MTA3: variants seen among roughly 807,000 people sequenced by gnomAD.
MTA3 encodes metastasis associated 1 family member 3.
MTA3 carries 34 observed loss-of-function variants against 83.5 expected under a neutral mutation model. That is an observed-to-expected ratio of 0.41 (90% CI 0.31 to 0.54). The LOEUF (loss-of-function observed/expected upper bound fraction) is 0.54. MTA3 is among the 20% of genes least tolerant of loss of function. MTA3 has a pLI of 0.33. For synonymous variants in MTA3, 303 were observed against 252.7 expected (o/e 1.20, Z -1.89); for missense variants, 761 against 726.4 (o/e 1.05, Z -0.55).
intron 4 of MTA3, among the ~76,000 whole-genome samples, chr2:42,639,387 A>T (rs13353356): frequency 3.7e-4 from 56 of 152,316 alleles, no homozygotes; most frequent in African/African-American, 1.3e-3. Flanking sequence ...ATAATCTTCA[A>T]AATGCTCCTG....
intron 2 of MTA3, among the ~76,000 whole-genome samples, chr2:42,495,899 G>A (rs1331146346): frequency 6.6e-6 from 1 of 152,314 alleles, no homozygotes; most frequent in South Asian, 2.1e-4. Flanking sequence ...CAAGAACTTT[G>A]CAGGTCTTGA....
chr2:42,732,100 G>A (rs1321185128), intron 16 of MTA3, among the ~76,000 whole-genome samples: 3 of 152,146 alleles, frequency 2.0e-5, no homozygotes, highest in African/African-American at 4.8e-5. Flanking sequence ...TGTGGAGGAC[G>A]GTGGCCCTCT....
At chr2:42,575,163 C>G (rs1424277395) in intron 2 of MTA3, among the ~76,000 whole-genome samples, 2 of 152,202 alleles carry the variant, frequency 1.3e-5, no homozygotes, top group Non-Finnish European at 2.9e-5. Flanking sequence ...GCACAATGGG[C>G]TTTTGGCTGT....
In MTA3 at chr2:42,659,828, T is replaced by G; in HGVS notation, c.668T>G (p.Met223Arg). The stretch of plus-strand genomic sequence containing the variant: ...TCTGTGAGGCAGCCTAGTTTGCATA[T>G]GAGTGCTGCTGCAGCTTCCCGAGAC... ...SSSVRQPSLH[M>R]SAAAASRDIT... The change falls in exon 8 of 17, where the codon ATG becomes AGG. Residue 223 changes from methionine (M) to arginine (R), a missense_variant. Transcript: ENST00000405094. 3.1e-6 allele frequency: 5 copies of G among 1,607,368 alleles called. No individual in the cohort carries two copies. Among genetic ancestry groups the G allele is most frequent in the Non-Finnish European group, 4.2e-6 (5 of 1,176,940 alleles).
intron 8 of MTA3, among the ~76,000 whole-genome samples, chr2:42,670,587 G>T (rs1015674751): frequency 1.3e-5 from 2 of 152,070 alleles, no homozygotes; most frequent in Non-Finnish European, 2.9e-5. Flanking sequence ...CCTTAAAATA[G>T]AGAGGACTTC....
At chr2:42,594,204 G>T (rs955088124) in intron 3 of MTA3, among the ~76,000 whole-genome samples, 1 of 148,826 alleles carries the variant, frequency 6.7e-6, no homozygotes, top group African/African-American at 2.5e-5. Flanking sequence ...CACCTGCCTT[G>T]GCCTCCCAAA....
chr2:42,681,846 A>T (rs531972181), intron 8 of MTA3, among the ~76,000 whole-genome samples: 6 of 151,838 alleles, frequency 4.0e-5, no homozygotes, highest in Admixed American at 3.3e-4. Flanking sequence ...AGCTATGACC[A>T]TGCCACAGCA....
chr2:42,626,690 G>T (rs915214364), intron 4 of MTA3, among the ~76,000 whole-genome samples: 8 of 152,106 alleles, frequency 5.3e-5, no homozygotes, highest in Non-Finnish European at 1.0e-4. Context: ...AATTCTTCAG[G>T]ACTATCCTGG....
intron 3 of MTA3, among the ~76,000 whole-genome samples, chr2:42,582,817 A>G (rs1331709931): frequency 6.6e-6 from 1 of 152,146 alleles, no homozygotes; most frequent in African/African-American, 2.4e-5. Context: ...ACTCGTAGAA[A>G]ATAAATTTTA....
intron 4 of MTA3, among the ~76,000 whole-genome samples, chr2:42,635,980 G>C (rs1687154425): frequency 6.6e-6 from 1 of 152,058 alleles, no homozygotes; most frequent in African/African-American, 2.4e-5. Flanking sequence ...TGCCCAGGCT[G>C]GTCTTGAACT....
At chr2:42,618,123 G>C (rs1019501999) in intron 4 of MTA3, among the ~76,000 whole-genome samples, 2 of 151,836 alleles carry the variant, frequency 1.3e-5, no homozygotes, top group Non-Finnish European at 2.9e-5. Flanking sequence ...GTAAAAAAAA[G>C]TTTTGTTGGA....
At chr2:42,618,668 C>T (rs1023012426) in intron 4 of MTA3, among the ~76,000 whole-genome samples, 3 of 152,024 alleles carry the variant, frequency 2.0e-5, no homozygotes, top group Admixed American at 6.6e-5. Context: ...AGTGCAGTGG[C>T]GTGAACATAG....
chr2:42,548,030 G>A (rs1456581333), intron 2 of MTA3, among the ~76,000 whole-genome samples: 2 of 152,184 alleles, frequency 1.3e-5, no homozygotes, highest in Non-Finnish European at 2.9e-5. Context: ...AAGATAAGCT[G>A]CCCTGTGGTC....
chr2:42,571,248 A>G (rs1032951309), intron 2 of MTA3, among the ~76,000 whole-genome samples: 1 of 151,492 alleles, frequency 6.6e-6, no homozygotes, highest in East Asian at 2.0e-4. Context: ...AGTACAAAAA[A>G]ATTAGCTAGG....
intron 4 of MTA3, among the ~76,000 whole-genome samples, chr2:42,631,307 A>G (rs894130841): frequency 6.6e-6 from 1 of 152,198 alleles, no homozygotes; most frequent in Admixed American, 6.6e-5. Context: ...ACAGCTTAAC[A>G]TTTTATAGTG....
At chr2:42,529,954 A>G (rs1159997085) in intron 2 of MTA3, among the ~76,000 whole-genome samples, 2 of 152,036 alleles carry the variant, frequency 1.3e-5, no homozygotes, top group African/African-American at 4.8e-5. Context: ...TTGGGAGGCC[A>G]AGGCAGGAGG....
intron 2 of MTA3, among the ~76,000 whole-genome samples, chr2:42,514,383 T>TTTTG (rs1483418004): frequency 6.6e-6 from 1 of 152,120 alleles, no homozygotes; most frequent in Non-Finnish European, 1.5e-5. Context: ...GTATGTGGTT[T>TTTTG]TTTGTTTGTT....
chr2:42,682,816 T>C, intron 9 of MTA3: 1 of 447,172 alleles, frequency 2.2e-6, no homozygotes, highest in Non-Finnish European at 4.0e-6. Context: ...CTCACGTCTG[T>C]AATTCCAGGA....
intron 4 of MTA3, among the ~76,000 whole-genome samples, chr2:42,619,141 G>C (rs1164975490): frequency 6.6e-6 from 1 of 152,184 alleles, no homozygotes; most frequent in Non-Finnish European, 1.5e-5. Context: ...AGAGGAGAGA[G>C]AACAGTTAAA....
Sources: gnomAD v4.1 joint callset for allele counts (sites outside exome capture counted in the v4.1 genomes callset) on GRCh38, gnomAD v4.1.1 for gene constraint, MANE v1.5 for transcripts, NCBI Gene and HGNC (gene_info 2026-07-23, HGNC 2026-07-21) for gene names.